Variants in ATP7B observed in about 807,000 individuals in gnomAD.
The protein encoded by ATP7B is copper-transporting ATPase 2.
A neutral mutation model predicts 118.9 loss-of-function variants in ATP7B; 113 were observed. The ratio of observed to expected loss-of-function variants is 0.95; its 90% CI spans 0.82 to 1.11. ATP7B has a LOEUF of 1.11. Ranked by LOEUF, ATP7B falls within the 50% of genes most tolerant of loss-of-function variation. ATP7B has a pLI of 0.00. For synonymous variants in ATP7B, 777 were observed against 727.4 expected (o/e 1.07, Z -1.10); for missense variants, 1,867 against 1,871.4 (o/e 1.00, Z 0.04).
chr13:51,937,170 G>T, intron 19 of ATP7B, 106 bp downstream of exon 19: 3 of 1,015,386 alleles, frequency 3.0e-6, no homozygotes, highest in African/African-American at 1.6e-5. Context: ...TTTCTAAAAC[G>T]CCTCTAGCCA....
chr13:51,966,788 G>T, intron 4 of ATP7B: 2 of 1,607,376 alleles, frequency 1.2e-6, no homozygotes, highest in East Asian at 4.5e-5. Context: ...CTGCTGGACA[G>T]CAAAGGCTTT....
intron 1 of ATP7B, among the ~76,000 whole-genome samples, chr13:52,001,813 C>G (rs1953503412): frequency 6.6e-6 from 1 of 151,364 alleles, no homozygotes; most frequent in Non-Finnish European, 1.5e-5. Flanking sequence ...TTTTTAAGGA[C>G]AGGGTTTCAC....
chr13:51,989,907 C>A (rs1190941882), intron 1 of ATP7B, among the ~76,000 whole-genome samples: 1 of 152,018 alleles, frequency 6.6e-6, no homozygotes, highest in Non-Finnish European at 1.5e-5. Context: ...TTACTCTGTA[C>A]TCCAAGGAGT....
chr13:51,979,659 T>C (rs1013619268), intron 1 of ATP7B, among the ~76,000 whole-genome samples: 14 of 152,170 alleles, frequency 9.2e-5, no homozygotes, highest in African/African-American at 3.1e-4. Context: ...AACCTCTTCC[T>C]CATAATAAGA....
chr13:51,950,792 T>G (rs1430827455), intron 9 of ATP7B, among the ~76,000 whole-genome samples: 1 of 152,010 alleles, frequency 6.6e-6, no homozygotes, highest in African/African-American at 2.4e-5. Flanking sequence ...AGGTAACATT[T>G]AAGCTGAGAC....
intron 9 of ATP7B, among the ~76,000 whole-genome samples, chr13:51,954,759 C>T (rs371849958): frequency 7.9e-5 from 12 of 152,232 alleles, no homozygotes; most frequent in South Asian, 4.2e-4. Context: ...ACAGACAGGC[C>T]GAGTCTGAGC....
intron 9 of ATP7B, among the ~76,000 whole-genome samples, chr13:51,952,356 T>C (rs941367197): frequency 6.6e-6 from 1 of 152,242 alleles, no homozygotes; most frequent in African/African-American, 2.4e-5. Context: ...CAGAAGAGCA[T>C]GCATGGAAAG....
In ATP7B at chr13:51,950,422, C is replaced by T. The variant is rs771481287; in HGVS notation, c.2448-23G>A. On this transcript the variant is annotated intron_variant, in intron 9 of 20. Coordinates refer to ENST00000242839, the MANE Select transcript of ATP7B (RefSeq NM_000053.4). ...TCCCTGCAACAAACGCCACTTATCACTCACATGGCCACTCATTCGGTCACC... is the reference window on the plus strand; with the variant it reads ...TCCCTGCAACAAACGCCACTTATCATTCACATGGCCACTCATTCGGTCACC... 36 of 1,613,338 alleles carry T rather than the reference C, an allele frequency of 2.2e-5. No individual in the cohort carries two copies. In the South Asian group the frequency reaches 4.0e-4, roughly 18 times the overall value.
Position 51,970,756 on chromosome 13 carries a change from T to TA in ATP7B, c.1286-8dup, listed in dbSNP as rs1566582661. 4 of 1,613,180 alleles carry TA rather than the reference T, an allele frequency of 2.5e-6. No individual in the cohort carries two copies. Among genetic ancestry groups the TA allele is most frequent in the East Asian group, 2.2e-5 (1 of 44,872 alleles). On this transcript the variant is annotated splice_polypyrimidine_tract_variant and splice_region_variant and intron_variant, in intron 2 of 20. Coordinates refer to ENST00000242839, the MANE Select transcript of ATP7B (RefSeq NM_000053.4). ...GGGTTAGTAGAACAGCTTTCTAGGATAAAATGTCAGAAAATATTCAAATTA... is the reference window on the plus strand; with the variant it reads ...GGGTTAGTAGAACAGCTTTCTAGGATAAAAATGTCAGAAAATATTCAAATTA...
intron 4 of ATP7B, 124 bp downstream of exon 4, chr13:51,968,320 A>C (rs1475707554): frequency 7.7e-6 from 11 of 1,431,846 alleles, no homozygotes; most frequent in Middle Eastern, 1.7e-4. Flanking sequence ...AAACAAACAA[A>C]ATACCCAACA....
At chr13:51,983,588 G>A (rs180850168) in intron 1 of ATP7B, among the ~76,000 whole-genome samples, 5 of 152,242 alleles carry the variant, frequency 3.3e-5, no homozygotes, top group Non-Finnish European at 7.4e-5. Flanking sequence ...CTCCTCAAGT[G>A]GGTCCGTGAC....
chr13:51,967,064 CAAGAA>C (rs1951588049), intron 4 of ATP7B: 1 of 1,605,074 alleles, frequency 6.2e-7, no homozygotes, highest in Admixed American at 1.7e-5. Flanking sequence ...AGCACAATAA[CAAGAA>C]AATTGAAAGA....
chr13:51,934,088 G>T lies in ATP7B; in HGVS notation c.*668C>A, dbSNP rs1956830486. The T allele has an allele frequency of 6.5e-6, 1 of 154,040 alleles. No individual in the cohort carries two copies. The allele number at this position is 154,040 out of a possible 1,614,324, so 9.5% of individuals were successfully genotyped here. On this transcript the variant is annotated 3_prime_UTR_variant, in exon 21 of 21. Coordinates refer to ENST00000242839, the MANE Select transcript of ATP7B (RefSeq NM_000053.4). ...CTGGGGATGTGTGAGCCAGGAAGCA[G>T]GTTCAAGCTGAAATGCACACTCCAG...
chr13:51,981,112 G>C (rs1433602450), intron 1 of ATP7B, among the ~76,000 whole-genome samples: 1 of 152,162 alleles, frequency 6.6e-6, no homozygotes, highest in East Asian at 1.9e-4. Flanking sequence ...GCTTATCCAA[G>C]AGCACAAATC....
intron 3 of ATP7B, among the ~76,000 whole-genome samples, chr13:51,970,152 T>C (rs1442520348): frequency 1.3e-5 from 2 of 152,204 alleles, no homozygotes; most frequent in Admixed American, 6.5e-5. Flanking sequence ...GGTTATTTAT[T>C]CATTTTATAG....
intron 1 of ATP7B, among the ~76,000 whole-genome samples, chr13:51,979,665 TAAGA>T (rs1952313803): frequency 6.6e-6 from 1 of 152,168 alleles, no homozygotes; most frequent in African/African-American, 2.4e-5. Context: ...TTCCTCATAA[TAAGA>T]AAGACATAAC....
chr13:51,984,293 A>C (rs1022444675), intron 1 of ATP7B, among the ~76,000 whole-genome samples: 1 of 152,144 alleles, frequency 6.6e-6, no homozygotes, highest in African/African-American at 2.4e-5. Context: ...AGCCAAATCG[A>C]TCAAGCAGAA....
In ATP7B at chr13:51,975,052, C is replaced by T; in HGVS notation, c.168G>A (p.Gln56=). The change falls in exon 2 of 21, where the codon CAG becomes CAA. Residue 56 remains glutamine (Q), a synonymous_variant. Transcript: ENST00000242839. ...AGATCCTGACTGTGCTGGTGGCCAC[C>T]TGAGAAGAAGGGCCCAGGCCATCCA... is the stretch of plus-strand genomic sequence containing the variant. ...GGLDGLGPSS[Q]VATSTVRILG... 6.2e-7 allele frequency: 1 copy of T among 1,614,208 alleles called. No homozygotes were observed. Among genetic ancestry groups the T allele is most frequent in the Non-Finnish European group, 8.5e-7 (1 of 1,180,026 alleles).
Position 51,970,509 on chromosome 13 carries a change from T to C in ATP7B, c.1526A>G (p.Asn509Ser), listed in dbSNP as rs1217723549. 6.2e-7 allele frequency: 1 copy of C among 1,614,198 alleles called. No homozygotes were observed. Among genetic ancestry groups the C allele is most frequent in the South Asian group, 1.1e-5 (1 of 91,076 alleles). The change falls in exon 3 of 21, where the codon AAT becomes AGT. Residue 509 changes from asparagine to serine, a missense_variant. By Grantham distance (46) the Asn-to-Ser change is conservative. Transcript: ENST00000242839. ...CASCVSNIER[N>S]LQKEAGVLSV... The stretch of plus-strand genomic sequence containing the variant: ...TCTCTTACCAGCTTCTTTCTGCAGA[T>C]TCCTTTCTATGTTAGACACACAGGA...
Sources: gnomAD v4.1 joint callset for allele counts (sites outside exome capture counted in the v4.1 genomes callset) on GRCh38, gnomAD v4.1.1 for gene constraint, MANE v1.5 for transcripts, NCBI Gene and HGNC (gene_info 2026-07-23, HGNC 2026-07-21) for gene names.